Variants in SEC63 observed in about 807,000 individuals in gnomAD.
SEC63 encodes the protein translocation protein SEC63 homolog.
SEC63 carries 56 observed loss-of-function variants against 116.2 expected under a neutral mutation model. That is an observed-to-expected ratio of 0.48 (90% CI 0.39 to 0.60). SEC63 has a LOEUF of 0.60. Ranked by LOEUF, SEC63 falls within the 20% of genes least tolerant of loss-of-function variation. The pLI, the probability that SEC63 is intolerant of heterozygous loss-of-function variation, is 0.00. For missense variants in SEC63, 668 were observed against 900.0 expected, an observed-to-expected ratio of 0.74 and a Z score of 3.30; for synonymous variants, 273 against 294.6, an observed-to-expected ratio of 0.93 and a Z score of 0.75.
chr6:107,918,941 C>T (rs1296039043), intron 4 of SEC63, among the ~76,000 whole-genome samples: 3 of 122,534 alleles, frequency 2.4e-5, no homozygotes, highest in Admixed American at 9.8e-5. Flanking sequence ...GACAGAGTCT[C>T]ACTCTGTCGC....
rs1157238275 is a variant in SEC63, at chr6:107,901,550, C to T, written c.1210-33G>A. ...AAAAAAAAAAAGAAAATACATAATT[C>T]CCTAACTCACAAAGCTTTTCATAAA... On this transcript the variant is annotated intron_variant, in intron 12 of 20. Transcript: ENST00000369002. 4 of 1,427,964 alleles carry T rather than the reference C, an allele frequency of 2.8e-6. No homozygotes were observed. In the South Asian group the frequency reaches 5.0e-5, roughly 18 times the overall value. 88.5% of individuals were successfully genotyped at this position (1,427,964 alleles called of 1,614,324 possible).
At chr6:107,952,899 G>A (rs1023595087) in intron 1 of SEC63, among the ~76,000 whole-genome samples, 5 of 152,152 alleles carry the variant, frequency 3.3e-5, no homozygotes, top group African/African-American at 1.2e-4. Flanking sequence ...CTACATTTTT[G>A]TATTTGGCTA....
At chr6:107,910,616 T>C (rs971543276) in intron 7 of SEC63, among the ~76,000 whole-genome samples, 2 of 152,158 alleles carry the variant, frequency 1.3e-5, no homozygotes, top group African/African-American at 4.8e-5. Context: ...GTCATACATA[T>C]ATGCACGTGT....
chr6:107,943,670 G>A (rs1231644587), intron 1 of SEC63, among the ~76,000 whole-genome samples: 1 of 152,218 alleles, frequency 6.6e-6, no homozygotes, highest in African/African-American at 2.4e-5. Flanking sequence ...CAACAGAGAT[G>A]AGGGAAGAGG....
intron 10 of SEC63, among the ~76,000 whole-genome samples, chr6:107,905,533 G>C (rs1272146952): frequency 1.3e-5 from 2 of 152,196 alleles, no homozygotes; most frequent in Non-Finnish European, 2.9e-5. Context: ...CGGTGAAAAA[G>C]AGATAATTAA....
At chr6:107,872,957 A>C (rs1404225467) in intron 19 of SEC63, 45 bp from the exon 20 acceptor site, 1 of 1,242,728 alleles carries the variant, frequency 8.0e-7, no homozygotes, top group Non-Finnish European at 1.2e-6. Flanking sequence ...TATGGGGAGG[A>C]AACAGCTCAC....
chr6:107,872,759 A>T (rs1342504429), intron 20 of SEC63, 49 bp downstream of exon 20: 7 of 1,103,516 alleles, frequency 6.3e-6, no homozygotes, highest in Non-Finnish European at 9.6e-6. Flanking sequence ...CTAGTATATT[A>T]AACATTTATA....
At chr6:107,947,277 A>C (rs544188155) in intron 1 of SEC63, among the ~76,000 whole-genome samples, 1 of 152,288 alleles carries the variant, frequency 6.6e-6, no homozygotes, top group East Asian at 1.9e-4. Context: ...AGCCTGGGTG[A>C]CAGAGTGAGA....
At chr6:107,886,680 C>T (rs1473170215) in intron 16 of SEC63, among the ~76,000 whole-genome samples, 3 of 135,854 alleles carry the variant, frequency 2.2e-5, no homozygotes, top group Non-Finnish European at 3.1e-5. Context: ...TGTTCATATA[C>T]TTTGCCCACT....
chr6:107,910,880 C>T (rs1448476517), intron 7 of SEC63, among the ~76,000 whole-genome samples: 3 of 151,874 alleles, frequency 2.0e-5, no homozygotes, highest in Non-Finnish European at 4.4e-5. Flanking sequence ...ACCAGCATGT[C>T]TGACTAATTT....
In SEC63 at chr6:107,869,729, A is replaced by G. The variant is rs1253791219; in HGVS notation, c.*1975T>C. 1.3e-5 allele frequency: 2 copies of G among 151,598 alleles called. No homozygotes were observed. The highest frequency in any genetic ancestry group is 4.8e-5 in the African/African-American group (2 of 41,248). 9.4% of individuals were successfully genotyped at this position (151,598 alleles called of 1,614,324 possible). ...TGGGAAGTACATACACATCACACAA[A>G]GAGAAAAGGAAAACAAACTGGTGGA... On this transcript the variant is annotated 3_prime_UTR_variant, in exon 21 of 21. Transcript: ENST00000369002.
At chr6:107,908,150 A>T (rs1051009367) in intron 8 of SEC63, among the ~76,000 whole-genome samples, 1 of 152,222 alleles carries the variant, frequency 6.6e-6, no homozygotes, top group Non-Finnish European at 1.5e-5. Flanking sequence ...TCCAAAATGC[A>T]GAAAAGTCCA....
rs1221878337 is a variant in SEC63 at position 107,869,447 on chromosome 6, A to G, written c.*2257T>C. 1 of 152,190 alleles carries G rather than the reference A, an allele frequency of 6.6e-6. No individual in the cohort carries two copies. Among genetic ancestry groups the G allele is most frequent in the African/African-American group, 2.4e-5 (1 of 41,440 alleles). 9.4% of individuals were successfully genotyped at this position (152,190 alleles called of 1,614,324 possible). On this transcript the variant is annotated 3_prime_UTR_variant, in exon 21 of 21. Transcript: ENST00000369002. ...TCACTTCCTATACACTGTATGATCT[A>G]TAGGCTCATCAATTGTTGACAAAAT...
At chr6:107,885,622 C>A (rs1432383143) in intron 16 of SEC63, among the ~76,000 whole-genome samples, 2 of 152,118 alleles carry the variant, frequency 1.3e-5, no homozygotes, top group Admixed American at 1.3e-4. Flanking sequence ...ATTTCAGCAG[C>A]TTTTTGGGGG....
At chr6:107,927,065 CT>C (rs1250554157) in intron 2 of SEC63, among the ~76,000 whole-genome samples, 1 of 152,002 alleles carries the variant, frequency 6.6e-6, no homozygotes, top group South Asian at 2.1e-4. Flanking sequence ...CAAGTGTCAT[CT>C]TTTTTTCTGG....
intron 1 of SEC63, among the ~76,000 whole-genome samples, chr6:107,939,588 C>A (rs1422018687): frequency 6.6e-6 from 1 of 152,070 alleles, no homozygotes; most frequent in Non-Finnish European, 1.5e-5. Flanking sequence ...CCCATCTCTA[C>A]TAAAAATACA....
chr6:107,897,349 T>G (rs1786876939), intron 14 of SEC63, among the ~76,000 whole-genome samples: 1 of 152,206 alleles, frequency 6.6e-6, no homozygotes, highest in Non-Finnish European at 1.5e-5. Context: ...GGTGATGAAA[T>G]TCTCATCAGT....
chr6:107,898,693 A>C (rs1786923412), intron 13 of SEC63, among the ~76,000 whole-genome samples: 1 of 152,200 alleles, frequency 6.6e-6, no homozygotes, highest in African/African-American at 2.4e-5. Context: ...TCTACTATAA[A>C]GTTAATAAAA....
At chr6:107,936,593 C>G (rs931081162) in intron 1 of SEC63, among the ~76,000 whole-genome samples, 5 of 152,124 alleles carry the variant, frequency 3.3e-5, no homozygotes, top group African/African-American at 1.2e-4. Context: ...ATCCTAAGAT[C>G]ATAAAACAAT....
Sources: gnomAD v4.1 joint callset for allele counts (sites outside exome capture counted in the v4.1 genomes callset) on GRCh38, gnomAD v4.1.1 for gene constraint, MANE v1.5 for transcripts, NCBI Gene and HGNC (gene_info 2026-07-23, HGNC 2026-07-21) for gene names.